CIT: variants seen among roughly 807,000 people sequenced by gnomAD.
CIT encodes the protein citron rho-interacting serine/threonine kinase, also known as citron Rho-interacting kinase.
In CIT, 79 loss-of-function variants were observed where a neutral mutation model predicts 272.7. That is an observed-to-expected ratio of 0.29 (90% confidence interval 0.24 to 0.35). CIT has a LOEUF of 0.35. Among genes scored for constraint, CIT ranks in the 10% least tolerant of loss-of-function variants. The pLI is 1.00. For synonymous variants in CIT, 948 were observed against 995.6 expected (o/e 0.95, Z 0.90); for missense variants, 1,909 against 2,618.3 (o/e 0.73, Z 5.91).
At chr12:119,730,315 C>T (rs938773658) in intron 27 of CIT, among the ~76,000 whole-genome samples, 180 bp downstream of exon 27, 7 of 152,052 alleles carry the variant, frequency 4.6e-5, no homozygotes, top group African/African-American at 1.4e-4. Context: ...CACCCACCCA[C>T]GCTACTGCCA....
chr12:119,800,096 T>C (rs1966063627), intron 10 of CIT, among the ~76,000 whole-genome samples: 1 of 152,110 alleles, frequency 6.6e-6, no homozygotes, highest in Non-Finnish European at 1.5e-5. Flanking sequence ...TATTTTATTT[T>C]TAAAACTTTA....
chr12:119,741,303 T>C (rs1959046882), intron 24 of CIT, among the ~76,000 whole-genome samples: 2 of 152,104 alleles, frequency 1.3e-5, no homozygotes, highest in Admixed American at 6.5e-5. Context: ...GACTAAACTA[T>C]GGTTATCAGA....
At chr12:119,775,709 G>A (rs1329144441) in intron 16 of CIT, 77 bp downstream of exon 16, 10 of 1,120,746 alleles carry the variant, frequency 8.9e-6, no homozygotes, top group Admixed American at 1.9e-5. Flanking sequence ...TTCATCTTTC[G>A]TGCTCTGGGA....
intron 44 of CIT, among the ~76,000 whole-genome samples, chr12:119,698,589 C>CAA (rs3858709): frequency 9.8e-5 from 13 of 133,242 alleles, no homozygotes; most frequent in African/African-American, 2.5e-4. Flanking sequence ...GACTCTGTCT[C>CAA]AAAAAAAAAA....
chr12:119,752,361 C>T (rs1176260315), intron 22 of CIT, 114 bp from the exon 23 acceptor site: 2 of 967,138 alleles, frequency 2.1e-6, no homozygotes, highest in East Asian at 2.7e-5. Flanking sequence ...GTCTTGGAAC[C>T]ACCTTCTCGG....
At chr12:119,857,877 A>C (rs1346288057) in intron 3 of CIT, among the ~76,000 whole-genome samples, 179 bp from the exon 4 acceptor site, 3 of 152,246 alleles carry the variant, frequency 2.0e-5, no homozygotes, top group Non-Finnish European at 4.4e-5. Context: ...TTTATATGTT[A>C]AGTTAAAATT....
At chr12:119,831,842 C>G (rs1244964936) in intron 7 of CIT, among the ~76,000 whole-genome samples, 1 of 152,016 alleles carries the variant, frequency 6.6e-6, no homozygotes, top group Non-Finnish European at 1.5e-5. Context: ...TGCACTCCAG[C>G]CTGGGGGACA....
At chr12:119,780,225 G>A (rs1964157748) in intron 13 of CIT, among the ~76,000 whole-genome samples, 1 of 152,092 alleles carries the variant, frequency 6.6e-6, no homozygotes, top group South Asian at 2.1e-4. Flanking sequence ...TAATGATCTA[G>A]GAATCAAATT....
chr12:119,830,871 T>C (rs1968568665), intron 7 of CIT, among the ~76,000 whole-genome samples: 1 of 152,236 alleles, frequency 6.6e-6, no homozygotes, highest in Admixed American at 6.5e-5. Context: ...GAATGCAGCA[T>C]ATAAATTTGT....
chr12:119,854,855 C>G (rs548933423), intron 4 of CIT, among the ~76,000 whole-genome samples: 1 of 151,988 alleles, frequency 6.6e-6, no homozygotes, highest in African/African-American at 2.4e-5. Flanking sequence ...GGAGGCTGAG[C>G]AAGAAGAATC....
chr12:119,791,254 G>A (rs1468650185), intron 10 of CIT, among the ~76,000 whole-genome samples: 2 of 152,184 alleles, frequency 1.3e-5, no homozygotes, highest in Non-Finnish European at 2.9e-5. Flanking sequence ...GCAAGGTCAT[G>A]GAGGAAAGGG....
At chr12:119,716,672 C>A (rs1320903851) in intron 32 of CIT, among the ~76,000 whole-genome samples, 1 of 152,168 alleles carries the variant, frequency 6.6e-6, no homozygotes, top group African/African-American at 2.4e-5. Context: ...AAACTCCTCA[C>A]ACTGTTGGTA....
At position 119,697,979 on chromosome 12, in the gene CIT, G is replaced by C. The variant is rs1956324117; in HGVS notation, c.5699C>G (p.Ala1900Gly). The C allele has an allele frequency of 6.2e-7, 1 of 1,614,178 alleles. No individual in the cohort carries two copies. Among genetic ancestry groups the C allele is most frequent in the African/African-American group, 1.3e-5 (1 of 75,042 alleles). The change falls in exon 45 of 48, where the codon GCA (alanine) becomes GGA (glycine). Residue 1900 changes from alanine (A) to glycine (G), a missense_variant. By Grantham distance (60) the Ala-to-Gly change is moderately conservative. This residue lies in a region of CIT where 780 missense variants were observed against 1,067.2 expected (regional missense o/e 0.73). Coordinates refer to ENST00000392521, the MANE Select transcript of CIT (RefSeq NM_001206999.2). The surrounding 1 kb of genome is among the most constrained non-coding windows in gnomAD (Gnocchi z 4.9). ...CGCATGGGAGGACAATGCTTACCCT[G>C]CTGAGGAGCGTGCCTGGATCTCAAT... is the stretch of plus-strand genomic sequence containing the variant. ...EVIEIQARSS[A>G]GTPARAYLDI...
rs138375161 is a variant in CIT at position 119,805,675 on chromosome 12, G to T, written c.1112-2286C>A. Among the ~76,000 whole-genome samples, 1,317 of 152,326 alleles carry T rather than the reference G, an allele frequency of 8.6e-3. 9 individuals are homozygous for T. Among genetic ancestry groups the T allele is most frequent in the South Asian group, 0.02 (95 of 4,830 alleles). Reference sequence around the variant, plus strand: ...CCAAAATAGAATTCCATTTCTGAGTGAGAAGTATAATTAATGGAGAGTAAA... The same window carrying T: ...CCAAAATAGAATTCCATTTCTGAGTTAGAAGTATAATTAATGGAGAGTAAA... On this transcript the variant is annotated intron_variant, in intron 9 of 47. Transcript: ENST00000392521.
chr12:119,760,914 T>C, intron 20 of CIT, 25 bp downstream of exon 20: 1 of 1,472,818 alleles, frequency 6.8e-7, no homozygotes, highest in South Asian at 1.1e-5. Context: ...CTTTGAACAC[T>C]GGCTTGGCAA....
chr12:119,689,190 A>AAAAC (rs72404312), intron 47 of CIT, among the ~76,000 whole-genome samples: 19 of 149,928 alleles, frequency 1.3e-4, no homozygotes, highest in East Asian at 7.8e-4. Context: ...AAAACAAAAC[A>AAAAC]AAACAAACAA....
intron 28 of CIT, among the ~76,000 whole-genome samples, chr12:119,723,859 C>T (rs1565943516): frequency 6.6e-6 from 1 of 152,160 alleles, no homozygotes; most frequent in Non-Finnish European, 1.5e-5. Context: ...AGGTTTAGAG[C>T]CCAGTATGGA....
At chr12:119,738,389 T>G (rs1406625970) in intron 24 of CIT, among the ~76,000 whole-genome samples, 1 of 152,130 alleles carries the variant, frequency 6.6e-6, no homozygotes, top group Admixed American at 6.5e-5. Context: ...CAAGGACAAA[T>G]GATTTGTTTA....
chr12:119,762,222 C>T (rs1200697977), intron 19 of CIT, among the ~76,000 whole-genome samples: 1 of 151,916 alleles, frequency 6.6e-6, no homozygotes, highest in Non-Finnish European at 1.5e-5. Flanking sequence ...TCAAAGAGGT[C>T]TTTAAACTAG....
Sources: gnomAD v4.1 joint callset for allele counts (sites outside exome capture counted in the v4.1 genomes callset) on GRCh38, gnomAD v4.1.1 for gene constraint, gnomAD v4.1.1 regional missense constraint, Gnocchi (gnomAD v3.1) non-coding constraint, MANE v1.5 for transcripts, NCBI Gene and HGNC (gene_info 2026-07-23, HGNC 2026-07-21) for gene names.